The following SP100 variants were observed in gnomAD, a reference collection of about 807,000 sequenced individuals.
The protein encoded by SP100 is SP100 nuclear body protein, also known as nuclear autoantigen Sp-100.
SP100 carries 84 observed loss-of-function variants against 130.0 expected under a neutral mutation model. That is an observed-to-expected ratio of 0.65 (90% confidence interval 0.54 to 0.77). The LOEUF is 0.77. Among genes scored for constraint, SP100 ranks in the 30% least tolerant of loss-of-function variants. SP100 has a pLI of 0.00. For missense variants in SP100, 978 were observed against 1,052.2 expected (o/e 0.93, Z 0.97); for synonymous variants, 331 against 351.7 (o/e 0.94, Z 0.66).
chr2:230,541,625 G>A (rs1350051130), intron 27 of SP100, among the ~76,000 whole-genome samples: 1 of 152,156 alleles, frequency 6.6e-6, no homozygotes, highest in Non-Finnish European at 1.5e-5. Flanking sequence ...TGTCAGAGAC[G>A]ACACAGGGTT....
chr2:230,472,195 G>A (rs780299402), intron 15 of SP100, among the ~76,000 whole-genome samples: 9 of 152,068 alleles, frequency 5.9e-5, no homozygotes, highest in South Asian at 2.1e-4. Flanking sequence ...TTGGGAGGCC[G>A]AGGTGGGCGG....
intron 2 of SP100, among the ~76,000 whole-genome samples, chr2:230,437,019 T>C (rs1020557690): frequency 1.3e-5 from 2 of 151,336 alleles, no homozygotes; most frequent in African/African-American, 4.9e-5. Flanking sequence ...CACATATATA[T>C]GTAAAAGACC....
chr2:230,494,517 G>A (rs370692095), intron 18 of SP100, 57 bp downstream of exon 18: 4 of 1,299,164 alleles, frequency 3.1e-6, no homozygotes, highest in African/African-American at 2.9e-5. Flanking sequence ...TGTTCTTCCT[G>A]CCAGACCCCA....
At chr2:230,447,467 C>G (rs1014986735) in intron 5 of SP100, among the ~76,000 whole-genome samples, 1 of 152,228 alleles carries the variant, frequency 6.6e-6, no homozygotes, top group Non-Finnish European at 1.5e-5. Context: ...GAATGCCCCC[C>G]ACTTCAGATG....
At chr2:230,527,903 A>C (rs1485111715) in intron 24 of SP100, among the ~76,000 whole-genome samples, 1 of 152,236 alleles carries the variant, frequency 6.6e-6, no homozygotes, top group Non-Finnish European at 1.5e-5. Flanking sequence ...CATGCACCCA[A>C]TACAGGAGCA....
At chr2:230,464,606 A>G (rs1035347331) in intron 11 of SP100, among the ~76,000 whole-genome samples, 2 of 141,072 alleles carry the variant, frequency 1.4e-5, no homozygotes, top group Non-Finnish European at 3.3e-5. Context: ...TTTAATTATT[A>G]ATGGCAAAAA....
At chr2:230,508,053 G>T in intron 23 of SP100, 22 bp downstream of exon 23, 1 of 1,612,460 alleles carries the variant, frequency 6.2e-7, no homozygotes, top group Non-Finnish European at 8.5e-7. Flanking sequence ...GTGATCTTCT[G>T]CCAATGTCTC....
intron 11 of SP100, among the ~76,000 whole-genome samples, chr2:230,465,377 T>C (rs1158813785): frequency 6.6e-6 from 1 of 152,144 alleles, no homozygotes; most frequent in Non-Finnish European, 1.5e-5. Flanking sequence ...CTAGCCTGGG[T>C]GACAGAGTGA....
At chr2:230,444,417 T>A in intron 4 of SP100, 71 bp downstream of exon 4, 1 of 1,221,764 alleles carries the variant, frequency 8.2e-7, no homozygotes, top group Non-Finnish European at 1.2e-6. Flanking sequence ...ACTGATCTCC[T>A]ACCATGAGTG....
chr2:230,473,147 T>A (rs1442518288), intron 15 of SP100, 177 bp from the exon 16 acceptor site: 3 of 495,832 alleles, frequency 6.1e-6, no homozygotes, highest in Non-Finnish European at 1.1e-5. Context: ...TTCTCAGGGT[T>A]ATTTATGAAC....
intron 2 of SP100, among the ~76,000 whole-genome samples, chr2:230,420,563 G>A (rs2062739120): frequency 6.6e-6 from 1 of 151,928 alleles, no homozygotes; most frequent in South Asian, 2.1e-4. Flanking sequence ...TGCTGGCTCT[G>A]GTTTACTAAA....
intron 24 of SP100, among the ~76,000 whole-genome samples, chr2:230,517,764 CAA>C (rs34404923): frequency 6.9e-6 from 1 of 144,410 alleles, no homozygotes. Context: ...GACTCCATCT[CAA>C]AAAAAAAAAA....
At chr2:230,462,758 T>C (rs1482202600) in intron 10 of SP100, 1 of 470,754 alleles carries the variant, frequency 2.1e-6, no homozygotes. Flanking sequence ...TCAATATTCA[T>C]ACCCATACAT....
intron 24 of SP100, among the ~76,000 whole-genome samples, chr2:230,530,117 G>A (rs2150107285): frequency 6.6e-6 from 1 of 152,226 alleles, no homozygotes; most frequent in East Asian, 1.9e-4. Context: ...AGCCCACATA[G>A]CCAGAACAAT....
chr2:230,468,638 C>A (rs1426883958), intron 13 of SP100, among the ~76,000 whole-genome samples: 1 of 151,846 alleles, frequency 6.6e-6, no homozygotes, highest in Middle Eastern at 3.2e-3. Context: ...CATGGCAAAA[C>A]CCCATTTCTA....
chr2:230,515,904 T>C, intron 24 of SP100: 1 of 1,183,628 alleles, frequency 8.4e-7, no homozygotes, highest in Non-Finnish European at 1.0e-6. Flanking sequence ...TTCTTGTTAG[T>C]GCACAGCACA....
chr2:230,427,548 G>T (rs967628872), intron 2 of SP100, among the ~76,000 whole-genome samples: 2 of 152,088 alleles, frequency 1.3e-5, no homozygotes, highest in African/African-American at 4.8e-5. Context: ...TTTGATTAGA[G>T]AATTTAATTC....
At chr2:230,528,755 G>C (rs1691554846) in intron 24 of SP100, among the ~76,000 whole-genome samples, 1 of 152,174 alleles carries the variant, frequency 6.6e-6, no homozygotes, top group Non-Finnish European at 1.5e-5. Flanking sequence ...TATCACCACA[G>C]ATCCCACAGA....
chr2:230,539,132 G>A, intron 24 of SP100, 135 bp from the exon 25 acceptor site: 2 of 567,054 alleles, frequency 3.5e-6, no homozygotes, highest in Non-Finnish European at 6.4e-6. Context: ...AATGTCTTCT[G>A]AGATCTCCAC....
Sources: allele counts gnomAD v4.1 joint callset (sites outside exome capture counted in the v4.1 genomes callset), GRCh38; gene constraint gnomAD v4.1.1; transcripts MANE v1.5; gene names NCBI Gene and HGNC (gene_info 2026-07-23, HGNC 2026-07-21).